VTI1A: variants seen among roughly 807,000 people sequenced by gnomAD.
VTI1A encodes vesicle transport through interaction with t-SNAREs 1A, also known as vesicle transport through interaction with t-SNAREs homolog 1A.
In VTI1A, 22 loss-of-function variants were observed where a neutral mutation model predicts 34.9. The observed-to-expected ratio is 0.63, with a 90% CI of 0.45 to 0.90. The LOEUF is 0.90. VTI1A is among the 40% of genes least tolerant of loss of function. The pLI, the probability that VTI1A is intolerant of heterozygous loss-of-function variation, is 0.00. For missense variants in VTI1A, 268 were observed against 275.6 expected (o/e 0.97, Z 0.20); for synonymous variants, 87 against 97.3 (o/e 0.89, Z 0.62).
intron 5 of VTI1A, among the ~76,000 whole-genome samples, chr10:112,623,523 G>A (rs1402444961): frequency 1.3e-5 from 2 of 150,530 alleles, no homozygotes; most frequent in East Asian, 3.9e-4. Flanking sequence ...CAGCCTGCTG[G>A]CTGAGAACTC....
At chr10:112,613,192 A>T (rs1488624454) in intron 5 of VTI1A, among the ~76,000 whole-genome samples, 1 of 152,210 alleles carries the variant, frequency 6.6e-6, no homozygotes, top group African/African-American at 2.4e-5. Flanking sequence ...ATTTTATACC[A>T]TTCAATATAC....
intron 7 of VTI1A, among the ~76,000 whole-genome samples, chr10:112,692,570 TGTGGGGAG>T (rs1848646862): frequency 6.6e-6 from 1 of 152,220 alleles, no homozygotes; most frequent in African/African-American, 2.4e-5. Context: ...CTGTTTTTAT[TGTGGGGAG>T]GTGGGGAGGG....
intron 5 of VTI1A, among the ~76,000 whole-genome samples, chr10:112,595,494 T>G (rs1411145277): frequency 6.6e-6 from 1 of 152,000 alleles, no homozygotes; most frequent in Non-Finnish European, 1.5e-5. Flanking sequence ...CATCAAAAAG[T>G]GGGCAAAGGA....
chr10:112,744,122 T>C (rs1850799515), intron 7 of VTI1A, among the ~76,000 whole-genome samples: 1 of 152,200 alleles, frequency 6.6e-6, no homozygotes. Flanking sequence ...CTTACGGAAA[T>C]GTCAATTTTA....
intron 7 of VTI1A, among the ~76,000 whole-genome samples, chr10:112,682,568 C>T (rs776464156): frequency 6.6e-6 from 1 of 152,114 alleles, no homozygotes; most frequent in African/African-American, 2.4e-5. Flanking sequence ...TTTTGCAACA[C>T]GCTGATATGA....
chr10:112,686,613 G>C (rs1183558613), intron 7 of VTI1A, among the ~76,000 whole-genome samples: 1 of 152,132 alleles, frequency 6.6e-6, no homozygotes, highest in African/African-American at 2.4e-5. Flanking sequence ...TCTTCTTTGA[G>C]GTTTAAGTGT....
At chr10:112,691,567 A>C (rs958943311) in intron 7 of VTI1A, among the ~76,000 whole-genome samples, 1 of 152,210 alleles carries the variant, frequency 6.6e-6, no homozygotes, top group Non-Finnish European at 1.5e-5. Context: ...GTTGAGGGCT[A>C]TGCCTGTATC....
chr10:112,772,091 T>C (rs978094933), intron 7 of VTI1A, among the ~76,000 whole-genome samples: 1 of 152,252 alleles, frequency 6.6e-6, no homozygotes, highest in Non-Finnish European at 1.5e-5. Context: ...CTAGATCAAA[T>C]GGTAACTCTG....
At chr10:112,809,970 G>A (rs913113835) in intron 7 of VTI1A, among the ~76,000 whole-genome samples, 1 of 151,988 alleles carries the variant, frequency 6.6e-6, no homozygotes, top group Non-Finnish European at 1.5e-5. Context: ...TTGGAATCAG[G>A]GTGACTCAAC....
At chr10:112,460,152 T>G (rs542399842) in intron 1 of VTI1A, among the ~76,000 whole-genome samples, 1 of 152,354 alleles carries the variant, frequency 6.6e-6, no homozygotes, top group Admixed American at 6.5e-5. Flanking sequence ...TTTTAAATTG[T>G]ATTAACAAAT....
At chr10:112,537,803 A>T (rs1224957852) in intron 4 of VTI1A, among the ~76,000 whole-genome samples, 1 of 152,186 alleles carries the variant, frequency 6.6e-6, no homozygotes, top group Non-Finnish European at 1.5e-5. Context: ...CTTACAAATA[A>T]AGTTCCTGTT....
At chr10:112,837,827 C>G in the VTI1A span, among the ~76,000 whole-genome samples, 1 of 152,190 alleles carries the variant, frequency 6.6e-6, no homozygotes, top group Non-Finnish European at 1.5e-5. Flanking sequence ...GTCAGATCAA[C>G]TATCTGAATT....
At position 112,817,822 on chromosome 10, in the gene VTI1A, G is replaced by A. The variant is rs753353363; in HGVS notation, c.*2439G>A. Reference sequence around the variant, plus strand: ...TTGACGAATATTTCTCAAGTTGGGAGCCCTTGTTAAAAATGATGTTTAAGG... The same window carrying A: ...TTGACGAATATTTCTCAAGTTGGGAACCCTTGTTAAAAATGATGTTTAAGG... On this transcript the variant is annotated 3_prime_UTR_variant, in exon 8 of 8. Transcript: ENST00000393077. 11 of 232,636 alleles carry A rather than the reference G, an allele frequency of 4.7e-5. No individual in the cohort carries two copies. The highest frequency in any genetic ancestry group is 2.0e-4 in the African/African-American group (9 of 45,270). The allele number at this position is 232,636 out of a possible 1,614,324, so 14.4% of individuals were successfully genotyped here.
intron 1 of VTI1A, among the ~76,000 whole-genome samples, chr10:112,454,923 A>G (rs766031389): frequency 2.2e-4 from 34 of 152,130 alleles, no homozygotes; most frequent in African/African-American, 7.5e-4. Context: ...TAATACCTCA[A>G]AAAGGTTGTT....
chr10:112,463,618 G>A (rs1313313516), intron 2 of VTI1A, among the ~76,000 whole-genome samples: 2 of 151,176 alleles, frequency 1.3e-5, no homozygotes, highest in African/African-American at 4.9e-5. Flanking sequence ...TTATCTGATA[G>A]CAGGTTGTTA....
intron 7 of VTI1A, among the ~76,000 whole-genome samples, chr10:112,739,166 T>C: frequency 6.6e-6 from 1 of 152,208 alleles, no homozygotes; most frequent in South Asian, 2.1e-4. Context: ...CTGTCCCCAG[T>C]GCTGTTTTCT....
At chr10:112,740,482 A>G (rs1388996883) in intron 7 of VTI1A, among the ~76,000 whole-genome samples, 10 of 152,156 alleles carry the variant, frequency 6.6e-5, no homozygotes, top group Admixed American at 2.6e-4. Flanking sequence ...CAGGGGTTTC[A>G]CCATCTTGGC....
intron 5 of VTI1A, among the ~76,000 whole-genome samples, chr10:112,666,557 G>A (rs546619490): frequency 3.9e-5 from 6 of 152,112 alleles, no homozygotes; most frequent in African/African-American, 1.4e-4. Flanking sequence ...CACACAGTGG[G>A]GATTCAATGA....
intron 7 of VTI1A, among the ~76,000 whole-genome samples, chr10:112,758,820 G>C (rs1040042289): frequency 4.6e-5 from 7 of 152,218 alleles, no homozygotes; most frequent in Non-Finnish European, 1.0e-4. Flanking sequence ...TTTGGTAGTT[G>C]TTATTATTTT....
Sources: gnomAD v4.1 joint callset for allele counts (sites outside exome capture counted in the v4.1 genomes callset) on GRCh38, gnomAD v4.1.1 for gene constraint, MANE v1.5 for transcripts, NCBI Gene and HGNC (gene_info 2026-07-23, HGNC 2026-07-21) for gene names.